RAMP1: variants seen among roughly 807,000 people sequenced by gnomAD.
RAMP1 encodes the protein receptor activity modifying protein 1.
RAMP1 carries 7 observed loss-of-function variants against 8.2 expected under a neutral mutation model. That is an observed-to-expected ratio of 0.85 (90% CI 0.49 to 1.60). The LOEUF is 1.60. Ranked by LOEUF, RAMP1 falls within the 40% of genes most tolerant of loss-of-function variation. The pLI is 0.00. For synonymous variants in RAMP1, 92 were observed against 84.7 expected, an observed-to-expected ratio of 1.09 and a Z score of -0.47; for missense variants, 192 against 202.4, an observed-to-expected ratio of 0.95 and a Z score of 0.31.
chr2:237,874,383 G>A (rs992913380), intron 1 of RAMP1, among the ~76,000 whole-genome samples: 1 of 152,218 alleles, frequency 6.6e-6, no homozygotes, highest in African/African-American at 2.4e-5. Flanking sequence ...CTCGGCCTCC[G>A]CACGGGGACT....
At chr2:237,884,556 G>A (rs545237616) in intron 2 of RAMP1, among the ~76,000 whole-genome samples, 32 of 152,288 alleles carry the variant, frequency 2.1e-4, no homozygotes, top group Non-Finnish European at 4.0e-4. Context: ...GATTTAAGAG[G>A]GAAGGGGACA....
chr2:237,873,903 CT>C (rs539370244), intron 1 of RAMP1, among the ~76,000 whole-genome samples: 87 of 152,372 alleles, frequency 5.7e-4, no homozygotes, highest in African/African-American at 1.6e-3. Context: ...ACAGCTGCCC[CT>C]GGCCTCATCC....
chr2:237,906,518 A>C (rs1434872560), intron 2 of RAMP1, among the ~76,000 whole-genome samples: 1 of 151,690 alleles, frequency 6.6e-6, no homozygotes, highest in African/African-American at 2.4e-5. Flanking sequence ...CCATTTACTC[A>C]CTTTCTAGAT....
Position 237,911,664 on chromosome 2 carries a change from G to T in RAMP1, c.328G>T (p.Ala110Ser), listed in dbSNP as rs563750018. The T allele has an allele frequency of 6.2e-7, 1 of 1,613,470 alleles. No individual in the cohort carries two copies. Among genetic ancestry groups the T allele is most frequent in the African/African-American group, 1.3e-5 (1 of 75,040 alleles). ...YFRSCPISGR[A>S]VRDPPGSILY... ...CAGGAGCTGCCCCATCTCAGGCAGG[G>T]CCGTGCGGGACCCGCCCGGCAGCAT... Residue 110 changes from alanine to serine, a missense_variant, in exon 3 of 3, where the codon GCC becomes TCC. Coordinates refer to ENST00000254661, the MANE Select transcript of RAMP1 (RefSeq NM_005855.4).
At chr2:237,886,626 G>A (rs1198527483) in intron 2 of RAMP1, among the ~76,000 whole-genome samples, 1 of 152,208 alleles carries the variant, frequency 6.6e-6, no homozygotes, top group Non-Finnish European at 1.5e-5. Flanking sequence ...GTCATCCTCA[G>A]CACATCTTTT....
At chr2:237,882,913 T>C (rs60262967) in intron 2 of RAMP1, among the ~76,000 whole-genome samples, 52,424 of 151,866 alleles carry the variant, frequency 0.35, 9,701 homozygotes, top group Middle Eastern at 0.5. Flanking sequence ...GACAGCCAGG[T>C]GGCTGGCCTC....
intron 2 of RAMP1, among the ~76,000 whole-genome samples, chr2:237,892,276 C>CTTTTT (rs201847138): frequency 8.2e-5 from 11 of 134,362 alleles, no homozygotes; most frequent in South Asian, 2.3e-4. Context: ...TTCTTTCTTT[C>CTTTTT]TTTTTTTTTT....
intron 1 of RAMP1, among the ~76,000 whole-genome samples, chr2:237,876,724 C>T (rs2062309288): frequency 6.6e-6 from 1 of 152,098 alleles, no homozygotes; most frequent in Non-Finnish European, 1.5e-5. Context: ...CATCGCTGGG[C>T]AGGTCACTGT....
intron 2 of RAMP1, among the ~76,000 whole-genome samples, chr2:237,885,107 T>TGC (rs1286193979): frequency 2.0e-4 from 30 of 152,256 alleles, no homozygotes; most frequent in Non-Finnish European, 3.5e-4. Context: ...CCTGCTGCCT[T>TGC]CTTTGTGTCT....
chr2:237,903,005 C>A (rs188947841), intron 2 of RAMP1, among the ~76,000 whole-genome samples: 40 of 152,254 alleles, frequency 2.6e-4, no homozygotes, highest in African/African-American at 8.7e-4. Flanking sequence ...GTCTAACCTG[C>A]TGCTGCTTTT....
rs147407024 is a variant in RAMP1 at position 237,877,339 on chromosome 2, G to T, written c.168G>T (p.Trp56Cys). ...TGGAGGCCGTCGGGGAGACGCTGTG[G>T]TGTGACTGGGGCAGGACCATCAGGT... is the stretch of plus-strand genomic sequence containing the variant. ...VDMEAVGETLWCDWGRTIRSY... is the reference protein window; with the variant it reads ...VDMEAVGETLCCDWGRTIRSY... The change falls in exon 2 of 3, where the codon TGG (tryptophan) becomes TGT (cysteine). Residue 56 changes from tryptophan (W) to cysteine (C), a missense_variant. Trp to Cys is a radical substitution (Grantham distance 215). Transcript: ENST00000254661. The surrounding 1 kb of genome is among the most constrained non-coding windows in gnomAD (Gnocchi z 4.4). The T allele has an allele frequency of 1.2e-6, 2 of 1,613,634 alleles. No individual in the cohort carries two copies. Among genetic ancestry groups the T allele is most frequent in the African/African-American group, 2.7e-5 (2 of 75,056 alleles).
chr2:237,893,765 C>T (rs1476753152), intron 2 of RAMP1, among the ~76,000 whole-genome samples: 1 of 151,824 alleles, frequency 6.6e-6, no homozygotes, highest in Non-Finnish European at 1.5e-5. Flanking sequence ...ATGGCGAAAC[C>T]CTGTCTCTAC....
Position 237,862,923 on chromosome 2 carries a change from A to T in RAMP1, c.52+3196A>T, listed in dbSNP as rs1345051799. ...GCTGCCACAGTCTACCCTGTGAGCC[A>T]TGGGGGAGTACCTGTCCATGACATA... On this transcript the variant is annotated intron_variant, in intron 1 of 2. Transcript: ENST00000254661. The surrounding 1 kb of genome is among the most constrained non-coding windows in gnomAD (Gnocchi z 4.0). 1.3e-5 allele frequency among the ~76,000 whole-genome samples: 2 copies of T among 152,198 alleles called. No individual in the cohort carries two copies. The highest frequency in any genetic ancestry group is 4.8e-5 in the African/African-American group (2 of 41,448).
rs577553225 is a variant in RAMP1 at position 237,876,359 on chromosome 2, G to A, written c.53-865G>A. On this transcript the variant is annotated intron_variant, in intron 1 of 2. Coordinates refer to ENST00000254661, the MANE Select transcript of RAMP1 (RefSeq NM_005855.4). ...GCTGCAGGGGCTGGGTGCCCCCAGC[G>A]TCTCCCAGGGCAGCTCTGGCCTCCC... Among the ~76,000 whole-genome samples the A allele has an allele frequency of 6.6e-5, 10 of 152,274 alleles. No homozygotes were observed. The South Asian group carries it at 1.7e-3, about 25-fold the overall frequency.
chr2:237,890,097 C>T (rs369756064), intron 2 of RAMP1, among the ~76,000 whole-genome samples: 1 of 152,272 alleles, frequency 6.6e-6, no homozygotes, highest in East Asian at 1.9e-4. Flanking sequence ...TAAGGAAGCT[C>T]CGGATTTTCC....
chr2:237,902,554 C>T (rs1020598209), intron 2 of RAMP1, among the ~76,000 whole-genome samples: 1 of 152,124 alleles, frequency 6.6e-6, no homozygotes, highest in African/African-American at 2.4e-5. Flanking sequence ...CCACAGAGCC[C>T]CTTCCTGCCT....
chr2:237,898,060 C>T (rs2062560849), intron 2 of RAMP1, among the ~76,000 whole-genome samples: 2 of 152,150 alleles, frequency 1.3e-5, no homozygotes, highest in Admixed American at 6.5e-5. Context: ...CAGCCTCCCA[C>T]AGTGCTGGGA....
chr2:237,903,501 C>T (rs11675917), intron 2 of RAMP1, among the ~76,000 whole-genome samples: 1 of 152,164 alleles, frequency 6.6e-6, no homozygotes, highest in Non-Finnish European at 1.5e-5. Flanking sequence ...GTATCCTACA[C>T]CTTCACTAGC....
At chr2:237,895,542 A>G (rs1216979633) in intron 2 of RAMP1, among the ~76,000 whole-genome samples, 1 of 152,088 alleles carries the variant, frequency 6.6e-6, no homozygotes, top group Non-Finnish European at 1.5e-5. Context: ...AGGGGTGGCA[A>G]GGCTGCTACC....
Sources: gnomAD v4.1 joint callset for allele counts (sites outside exome capture counted in the v4.1 genomes callset) on GRCh38, gnomAD v4.1.1 for gene constraint, Gnocchi (gnomAD v3.1) non-coding constraint, MANE v1.5 for transcripts, NCBI Gene and HGNC (gene_info 2026-07-23, HGNC 2026-07-21) for gene names.